CNTNAP2: variants seen among roughly 807,000 people sequenced by gnomAD.
CNTNAP2 encodes the protein contactin-associated protein-like 2.
A neutral mutation model predicts 155.2 loss-of-function variants in CNTNAP2; 98 were observed. The observed-to-expected ratio is 0.63, with a 90% CI of 0.54 to 0.75. CNTNAP2 has a LOEUF of 0.75. Ranked by LOEUF, CNTNAP2 falls within the 30% of genes least tolerant of loss-of-function variation. The pLI is 0.00. For synonymous variants in CNTNAP2, 651 were observed against 631.2 expected (o/e 1.03, Z -0.47); for missense variants, 1,727 against 1,688.1 (o/e 1.02, Z -0.40).
At chr7:147,598,431 T>C (rs1281419242) in intron 12 of CNTNAP2, among the ~76,000 whole-genome samples, 1 of 152,002 alleles carries the variant, frequency 6.6e-6, no homozygotes, top group African/African-American at 2.4e-5. Flanking sequence ...GAACATACAG[T>C]GTTTGGTTTT....
intron 13 of CNTNAP2, among the ~76,000 whole-genome samples, chr7:147,797,930 A>G (rs549734056): frequency 8.5e-5 from 13 of 152,338 alleles, no homozygotes; most frequent in Admixed American, 7.2e-4. Flanking sequence ...TTAAATCTTC[A>G]GTATCAATAA....
intron 8 of CNTNAP2, among the ~76,000 whole-genome samples, chr7:147,195,482 G>T (rs909677176): frequency 6.6e-6 from 1 of 151,988 alleles, no homozygotes; most frequent in Non-Finnish European, 1.5e-5. Context: ...TAGTTTCATG[G>T]GAGTATCATT....
intron 1 of CNTNAP2, among the ~76,000 whole-genome samples, chr7:146,652,745 T>A (rs1585026044): frequency 6.6e-6 from 1 of 152,230 alleles, no homozygotes; most frequent in East Asian, 1.9e-4. Flanking sequence ...GAAATCAAAG[T>A]GTAGAATTAC....
intron 13 of CNTNAP2, among the ~76,000 whole-genome samples, chr7:147,738,392 G>A (rs945321439): frequency 7.9e-6 from 1 of 127,044 alleles, no homozygotes; most frequent in African/African-American, 2.5e-5. Context: ...GTCAATTGAT[G>A]TGGCAAACAT....
intron 3 of CNTNAP2, among the ~76,000 whole-genome samples, chr7:146,911,260 G>A (rs1407316178): frequency 2.0e-5 from 3 of 152,004 alleles, no homozygotes; most frequent in Non-Finnish European, 2.9e-5. Flanking sequence ...ATTCCTCAGG[G>A]ATCTAGAACT....
chr7:147,701,709 A>T (rs879576698), intron 13 of CNTNAP2, among the ~76,000 whole-genome samples: 3 of 152,218 alleles, frequency 2.0e-5, no homozygotes, highest in Non-Finnish European at 4.4e-5. Flanking sequence ...ATTCGTTAAC[A>T]GGAGTTGTAA....
rs869237741 is a variant in CNTNAP2, at chr7:146,439,349, T to TAC, written c.97+322376_97+322377insAC. ...CACTAACTTCTTTGACATGAAAACATTTCTTATTCTTTATTTCTCATACTG... is the reference window on the plus strand; with the variant it reads ...CACTAACTTCTTTGACATGAAAACATACTTCTTATTCTTTATTTCTCATACTG... On this transcript the variant is annotated intron_variant, in intron 1 of 23. Transcript: ENST00000361727. Among the ~76,000 whole-genome samples the TAC allele has an allele frequency of 1.1e-4, 11 of 103,730 alleles. No individual in the cohort carries two copies. The South Asian group carries it at 3.4e-3, about 32-fold the overall frequency. The allele number at this position is 103,730 out of a possible 152,430, so 68.1% of individuals were successfully genotyped here. A position where few individuals can be genotyped will look rare whatever the true frequency, so the allele number is the denominator to read the frequency against.
chr7:146,600,674 T>G (rs145889301), intron 1 of CNTNAP2, among the ~76,000 whole-genome samples: 1 of 152,296 alleles, frequency 6.6e-6, no homozygotes, highest in East Asian at 1.9e-4. Flanking sequence ...ACTTGTATTG[T>G]TGCATCGCTG....
chr7:148,407,123 AG>A (rs914933021), intron 22 of CNTNAP2, among the ~76,000 whole-genome samples: 1 of 152,002 alleles, frequency 6.6e-6, no homozygotes, highest in African/African-American at 2.4e-5. Context: ...GGTTTAAAAA[AG>A]AAAGCCAAGG....
At chr7:147,810,847 C>G (rs1296850755) in intron 13 of CNTNAP2, among the ~76,000 whole-genome samples, 1 of 152,198 alleles carries the variant, frequency 6.6e-6, no homozygotes, top group Non-Finnish European at 1.5e-5. Context: ...CAAAGAATGA[C>G]TGAAGTTCTA....
intron 15 of CNTNAP2, among the ~76,000 whole-genome samples, chr7:148,019,591 G>A (rs2116916368): frequency 1.3e-5 from 2 of 152,150 alleles, no homozygotes; most frequent in East Asian, 1.9e-4. Context: ...TGAGTAGCTG[G>A]ACTTACAGGT....
At chr7:146,625,094 A>T (rs1414311373) in intron 1 of CNTNAP2, among the ~76,000 whole-genome samples, 1 of 151,966 alleles carries the variant, frequency 6.6e-6, no homozygotes, top group African/African-American at 2.4e-5. Context: ...ACTGGAACAC[A>T]TTTTGATATA....
At chr7:146,967,786 T>A (rs1797687846) in intron 3 of CNTNAP2, among the ~76,000 whole-genome samples, 1 of 152,116 alleles carries the variant, frequency 6.6e-6, no homozygotes, top group Non-Finnish European at 1.5e-5. Flanking sequence ...CTTTTCCTAA[T>A]TGAATACCCT....
intron 1 of CNTNAP2, among the ~76,000 whole-genome samples, chr7:146,675,660 T>A (rs2372763): frequency 1.1e-4 from 17 of 152,088 alleles, no homozygotes; most frequent in East Asian, 5.8e-4. Flanking sequence ...GTTCAAGAGC[T>A]CCCACACCAT....
chr7:147,134,741 C>G (rs1028199762), intron 8 of CNTNAP2, among the ~76,000 whole-genome samples: 3 of 151,874 alleles, frequency 2.0e-5, no homozygotes, highest in African/African-American at 7.2e-5. Flanking sequence ...AGTGGCAACA[C>G]TGAGAAAACA....
intron 1 of CNTNAP2, among the ~76,000 whole-genome samples, chr7:146,220,011 C>G (rs990093306): frequency 3.3e-5 from 5 of 152,034 alleles, no homozygotes; most frequent in Admixed American, 2.0e-4. Flanking sequence ...GGTGATGACA[C>G]CTAATTACTG....
At chr7:148,079,076 C>A (rs1338269343) in intron 15 of CNTNAP2, among the ~76,000 whole-genome samples, 1 of 151,982 alleles carries the variant, frequency 6.6e-6, no homozygotes, top group African/African-American at 2.4e-5. Flanking sequence ...TGTGACTTGC[C>A]TGGGTCTATG....
chr7:146,513,869 G>T (rs1248312323), intron 1 of CNTNAP2, among the ~76,000 whole-genome samples: 1 of 151,864 alleles, frequency 6.6e-6, no homozygotes, highest in Admixed American at 6.6e-5. Flanking sequence ...TTAAGAAAGG[G>T]TCTGGTCTTG....
chr7:148,092,970 C>T (rs1803878732), intron 15 of CNTNAP2, among the ~76,000 whole-genome samples: 1 of 151,246 alleles, frequency 6.6e-6, no homozygotes, highest in South Asian at 2.1e-4. Flanking sequence ...GATAATCCCC[C>T]ACATCTTCTT....
Sources: allele counts gnomAD v4.1 joint callset (sites outside exome capture counted in the v4.1 genomes callset), GRCh38; gene constraint gnomAD v4.1.1; transcripts MANE v1.5; gene names NCBI Gene and HGNC (gene_info 2026-07-23, HGNC 2026-07-21).